GLMN: variants seen among roughly 807,000 people sequenced by gnomAD.
GLMN encodes the protein glomulin, FKBP associated protein.
In GLMN, 75 loss-of-function variants were observed where a neutral mutation model predicts 87.8. The observed-to-expected ratio is 0.85, with a 90% CI of 0.71 to 1.04. The LOEUF (loss-of-function observed/expected upper bound fraction) is 1.04, where lower values mean the gene tolerates loss of function less well. Among genes scored for constraint, GLMN ranks in the 50% least tolerant of loss-of-function variants. GLMN has a pLI of 0.00. For missense variants in GLMN, 588 were observed against 658.8 expected, an observed-to-expected ratio of 0.89 and a Z score of 1.18; for synonymous variants, 206 against 221.6, an observed-to-expected ratio of 0.93 and a Z score of 0.63.
intron 1 of GLMN, 53 bp from the exon 2 acceptor site, chr1:92,298,082 C>A: frequency 1.3e-6 from 1 of 798,374 alleles, no homozygotes. Context: ...CTTAAGTATT[C>A]AAAAGTTATG....
chr1:92,336,195 T>TAAAAA, the GLMN span: 1 of 613,942 alleles, frequency 1.6e-6, no homozygotes. Flanking sequence ...CCTTATGAGT[T>TAAAAA]CTCACCAATC....
intron 16 of GLMN, among the ~76,000 whole-genome samples, chr1:92,261,277 C>A (rs1655011524): frequency 6.6e-6 from 1 of 152,208 alleles, no homozygotes; most frequent in Non-Finnish European, 1.5e-5. Flanking sequence ...AGTTAATGAA[C>A]TTTTTTCACC....
At chr1:92,356,440 C>G in the GLMN span, among the ~76,000 whole-genome samples, 1 of 151,870 alleles carries the variant, frequency 6.6e-6, no homozygotes, top group Non-Finnish European at 1.5e-5. Flanking sequence ...TTTTTTGAGA[C>G]AGAATCTCTC....
Position 92,269,723 on chromosome 1 carries a change from C to A in GLMN, c.977G>T (p.Arg326Ile). Residue 326 changes from arginine (R) to isoleucine (I), a missense_variant and splice_region_variant, in exon 9 of 19, where the codon AGA (arginine) becomes ATA (isoleucine). By Grantham distance (97) the Arg-to-Ile change is moderately conservative. Coordinates refer to ENST00000370360, the MANE Select transcript of GLMN (RefSeq NM_053274.3). The stretch of plus-strand genomic sequence containing the variant: ...TGAGATACCATCTAAACGATCTTAC[C>A]TTTGCAAAAAGACTTCAATGTGCCC... The part of the protein sequence containing the change: ...NMGHIEVFLQ[R>I]TEESVISKGL... The A allele has an allele frequency of 6.2e-7, 1 of 1,603,816 alleles. No homozygotes were observed. Among genetic ancestry groups the A allele is most frequent in the South Asian group, 1.1e-5 (1 of 90,868 alleles).
intron 16 of GLMN, among the ~76,000 whole-genome samples, chr1:92,251,247 A>G (rs988446189): frequency 2.6e-5 from 4 of 152,238 alleles, no homozygotes; most frequent in Non-Finnish European, 5.9e-5. Flanking sequence ...AAAGGAATCA[A>G]GACAGTGTGG....
the GLMN span, chr1:92,363,703 C>G: frequency 3.0e-6 from 1 of 338,102 alleles, no homozygotes; most frequent in East Asian, 8.5e-5. Context: ...TTCTCCTCCT[C>G]CTCAGCCTAC....
At chr1:92,296,646 T>C (rs961904365) in intron 3 of GLMN, among the ~76,000 whole-genome samples, 41 of 152,084 alleles carry the variant, frequency 2.7e-4, no homozygotes, top group African/African-American at 9.9e-4. Flanking sequence ...ATAAGGAGTA[T>C]CCAAAGACAC....
chr1:92,268,915 CTTTTT>C (rs10706669), intron 9 of GLMN, among the ~76,000 whole-genome samples: 2 of 120,502 alleles, frequency 1.7e-5, no homozygotes, highest in Admixed American at 8.2e-5. Context: ...CTGTAATTTC[CTTTTT>C]TTTTTTTTTT....
At chr1:92,363,853 C>A in the GLMN span, 15 of 196,802 alleles carry the variant, frequency 7.6e-5, no homozygotes, top group Non-Finnish European at 1.4e-4. Context: ...TAATACATAT[C>A]CTTACATATG....
the GLMN span, among the ~76,000 whole-genome samples, chr1:92,344,821 TAGTG>T: frequency 6.6e-6 from 1 of 152,194 alleles, no homozygotes; most frequent in South Asian, 2.1e-4. Context: ...CTCAAATTAT[TAGTG>T]AGATTGAGCT....
At chr1:92,261,782 G>C (rs1043948428) in intron 16 of GLMN, among the ~76,000 whole-genome samples, 1 of 150,816 alleles carries the variant, frequency 6.6e-6, no homozygotes, top group Admixed American at 6.6e-5. Context: ...GTATGCTGAC[G>C]TCTGCAGTTT....
intron 7 of GLMN, among the ~76,000 whole-genome samples, chr1:92,274,446 C>A (rs1348404234): frequency 6.6e-6 from 1 of 152,144 alleles, no homozygotes; most frequent in Non-Finnish European, 1.5e-5. Flanking sequence ...CTGTCCTTTT[C>A]TCTGTCATAT....
chr1:92,336,397 CACA>C, the GLMN span: 1 of 1,609,754 alleles, frequency 6.2e-7, no homozygotes, highest in Non-Finnish European at 8.5e-7. Flanking sequence ...GATATTTACA[CACA>C]ACTTAAAAAT....
At chr1:92,307,131 G>T in the GLMN span, 1 of 1,151,782 alleles carries the variant, frequency 8.7e-7, no homozygotes, top group Non-Finnish European at 1.3e-6. Flanking sequence ...ACTCTCAACT[G>T]TATGTAGGTA....
At chr1:92,290,472 A>G (rs1490604894) in intron 4 of GLMN, among the ~76,000 whole-genome samples, 166 bp from the exon 5 acceptor site, 1 of 152,250 alleles carries the variant, frequency 6.6e-6, no homozygotes, top group Non-Finnish European at 1.5e-5. Flanking sequence ...TGAGCAAAAC[A>G]CAGAATCTGT....
At chr1:92,256,830 T>C (rs917416804) in intron 16 of GLMN, among the ~76,000 whole-genome samples, 2 of 152,162 alleles carry the variant, frequency 1.3e-5, no homozygotes, top group Admixed American at 1.3e-4. Flanking sequence ...AAGCATTCCC[T>C]TTGAAAACTG....
rs1417095946 is a variant in GLMN at position 92,266,852 on chromosome 1, G to C, written c.1099-111C>G. The C allele has an allele frequency of 2.4e-5, 17 of 698,256 alleles. No homozygotes were observed. The Admixed American group carries it at 4.2e-4, about 17-fold the overall frequency. The allele number at this position is 698,256 out of a possible 1,614,324, so 43.3% of individuals were successfully genotyped here. A position where few individuals can be genotyped will look rare whatever the true frequency, so the allele number is the denominator to read the frequency against. On this transcript the variant is annotated intron_variant, in intron 11 of 18. Transcript: ENST00000370360. ...AAAATTCAGAGAAGTGAGGGTAGGA[G>C]ATTTAAAAGTGAAGTAAATTAATTT...
intron 13 of GLMN, 125 bp from the exon 14 acceptor site, chr1:92,264,763 T>C (rs1655424879): frequency 4.4e-6 from 3 of 689,308 alleles, no homozygotes; most frequent in Admixed American, 2.2e-5. Context: ...CCCACAGTAA[T>C]GGTAATTAGC....
the GLMN span, among the ~76,000 whole-genome samples, chr1:92,306,572 A>G: frequency 6.6e-6 from 1 of 152,200 alleles, no homozygotes; most frequent in East Asian, 1.9e-4. Context: ...ATTTTAAACA[A>G]AAGAAGTGGC....
Sources: allele counts gnomAD v4.1 joint callset (sites outside exome capture counted in the v4.1 genomes callset), GRCh38; gene constraint gnomAD v4.1.1; transcripts MANE v1.5; gene names NCBI Gene and HGNC (gene_info 2026-07-23, HGNC 2026-07-21).